CNTNAP3B: variants seen among roughly 807,000 people sequenced by gnomAD.
CNTNAP3B encodes contactin associated protein family member 3B, also known as contactin-associated protein-like 3B.
In CNTNAP3B, 25 loss-of-function variants were observed where a neutral mutation model predicts 108.9. The ratio of observed to expected loss-of-function variants is 0.23; its 90% confidence interval spans 0.17 to 0.32. CNTNAP3B has a LOEUF of 0.32. Ranked by LOEUF, CNTNAP3B falls within the 10% of genes least tolerant of loss-of-function variation. The pLI, the probability that CNTNAP3B is intolerant of heterozygous loss-of-function variation, is 1.00. For synonymous variants in CNTNAP3B, 103 were observed against 473.4 expected (o/e 0.22, Z 10.16); for missense variants, 252 against 1,210.4 (o/e 0.21, Z 11.75).
intron 14 of CNTNAP3B, among the ~76,000 whole-genome samples, chr9:41,937,025 G>A (rs569577671): frequency 4.4e-3 from 671 of 151,788 alleles, no homozygotes; most frequent in Non-Finnish European, 7.4e-3. Flanking sequence ...TCAATTTTTA[G>A]GAATCAAATT....
chr9:41,958,723 A>C (rs1824957758), intron 12 of CNTNAP3B, among the ~76,000 whole-genome samples: 1 of 151,930 alleles, frequency 6.6e-6, no homozygotes, highest in African/African-American at 2.4e-5. Flanking sequence ...AACAAAACAA[A>C]ACAAAAGAAA....
intron 18 of CNTNAP3B, among the ~76,000 whole-genome samples, chr9:41,915,788 G>T (rs1318874716): frequency 1.4e-5 from 2 of 147,008 alleles, no homozygotes; most frequent in African/African-American, 5.1e-5. Context: ...GTAATATGTT[G>T]ACTGATTTTC....
At chr9:42,054,704 A>G (rs1281710912) in intron 3 of CNTNAP3B, among the ~76,000 whole-genome samples, 7 of 151,894 alleles carry the variant, frequency 4.6e-5, no homozygotes. Flanking sequence ...AAAAAACACC[A>G]CTAAAATAAA....
rs529669179 is a variant in CNTNAP3B at position 42,115,963 on chromosome 9, A to C, written c.86-11224T>G. ...TTCGAACCCGTCGCAAAGAAGCTAA[A>C]AACCTTGAAAAAGGATTAGACGAAT... On this transcript the variant is annotated intron_variant, in intron 1 of 23. Transcript: ENST00000377561. Among the ~76,000 whole-genome samples, 3 of 135,672 alleles carry C rather than the reference A, an allele frequency of 2.2e-5. No homozygotes were observed. The East Asian group carries it at 6.7e-4, about 30-fold the overall frequency. 89.0% of individuals were successfully genotyped at this position (135,672 alleles called of 152,430 possible).
chr9:42,074,237 CCT>C (rs1198506994), intron 3 of CNTNAP3B, among the ~76,000 whole-genome samples: 2 of 79,792 alleles, frequency 2.5e-5, no homozygotes, highest in African/African-American at 1.1e-4. Flanking sequence ...AACTTGACAG[CCT>C]CTCTCTTTGC....
chr9:42,118,849 T>A (rs904576098), intron 1 of CNTNAP3B, among the ~76,000 whole-genome samples: 1 of 78,988 alleles, frequency 1.3e-5, no homozygotes, highest in Admixed American at 1.4e-4. Context: ...AGATTTTGTA[T>A]CTTGATTTGA....
Position 42,064,707 on chromosome 9 carries a change from T to C in CNTNAP3B, c.390+12162A>G, listed in dbSNP as rs1476472761. 1.5e-5 allele frequency among the ~76,000 whole-genome samples: 2 copies of C among 132,454 alleles called. 1 individual carries two copies. The highest frequency in any genetic ancestry group is 3.2e-5 in the Non-Finnish European group (2 of 63,136). 86.9% of individuals were successfully genotyped at this position (132,454 alleles called of 152,430 possible). A position where few individuals can be genotyped will look rare whatever the true frequency, so the allele number is the denominator to read the frequency against. ...ACTTACAAGTGCAAACATGCAGTAT[T>C]TGATTTTCTGTTCCTATGTTAATTC... is the stretch of plus-strand genomic sequence containing the variant. On this transcript the variant is annotated intron_variant, in intron 3 of 23. Transcript: ENST00000377561.
chr9:42,036,476 C>T (rs1226338232), intron 3 of CNTNAP3B, among the ~76,000 whole-genome samples: 1 of 138,414 alleles, frequency 7.2e-6, no homozygotes, highest in Non-Finnish European at 1.5e-5. Flanking sequence ...GATCGAACTG[C>T]AAGGCAGCAG....
chr9:42,056,096 G>A (rs1827061445), intron 3 of CNTNAP3B, among the ~76,000 whole-genome samples: 1 of 125,830 alleles, frequency 7.9e-6, no homozygotes, highest in African/African-American at 3.2e-5. Flanking sequence ...TTTAACCTGA[G>A]CATTATGCTG....
At chr9:41,977,438 C>A (rs1254923975) in intron 9 of CNTNAP3B, among the ~76,000 whole-genome samples, 2 of 139,332 alleles carry the variant, frequency 1.4e-5, no homozygotes. Context: ...TGTTTTAATA[C>A]AATTTGAGGC....
intron 3 of CNTNAP3B, among the ~76,000 whole-genome samples, chr9:42,021,825 T>C (rs1264099159): frequency 1.5e-5 from 2 of 136,772 alleles, no homozygotes; most frequent in African/African-American, 2.9e-5. Context: ...AAACCGCCTT[T>C]GCACAAATTC....
At chr9:42,119,845 A>C (rs1247466834) in intron 1 of CNTNAP3B, among the ~76,000 whole-genome samples, 1 of 140,868 alleles carries the variant, frequency 7.1e-6, no homozygotes, top group East Asian at 2.1e-4. Context: ...TAAAGACTTA[A>C]ATGTTAGACC....
intron 1 of CNTNAP3B, among the ~76,000 whole-genome samples, chr9:42,112,625 G>T (rs1488776960): frequency 7.3e-6 from 1 of 136,858 alleles, no homozygotes; most frequent in Admixed American, 7.3e-5. Context: ...AATTTACAGG[G>T]GGTAGGAGAT....
chr9:41,978,114 A>ACATCC (rs1330281371), intron 9 of CNTNAP3B, among the ~76,000 whole-genome samples: 1 of 109,318 alleles, frequency 9.1e-6, no homozygotes, highest in Non-Finnish European at 1.8e-5. Context: ...TTCTGAGTAA[A>ACATCC]CATCCCTGGG....
chr9:42,021,813 T>C (rs1355913357), intron 3 of CNTNAP3B, among the ~76,000 whole-genome samples: 2 of 135,810 alleles, frequency 1.5e-5, no homozygotes, highest in East Asian at 4.5e-4. Flanking sequence ...AGCTGAGCTC[T>C]GAAACCGCCT....
intron 13 of CNTNAP3B, among the ~76,000 whole-genome samples, chr9:41,943,865 A>G (rs577898685): frequency 6.6e-6 from 1 of 152,398 alleles, no homozygotes; most frequent in South Asian, 2.1e-4. Flanking sequence ...GGCATCTCAT[A>G]TTCAAATTGC....
chr9:42,076,762 G>C (rs1005281187), intron 3 of CNTNAP3B, 107 bp downstream of exon 3: 1 of 663,932 alleles, frequency 1.5e-6, no homozygotes, highest in Admixed American at 3.3e-5. Flanking sequence ...CAATGAAATA[G>C]GTATCTTACT....
intron 14 of CNTNAP3B, among the ~76,000 whole-genome samples, chr9:41,932,731 G>A (rs1824018419): frequency 6.6e-6 from 1 of 151,888 alleles, no homozygotes; most frequent in African/African-American, 2.4e-5. Flanking sequence ...TGTTGGTCAG[G>A]CTGGTCTCGA....
In CNTNAP3B at chr9:41,938,569, C is replaced by A. The variant is rs1328532336; in HGVS notation, c.2081-169G>T. 8.5e-5 allele frequency among the ~76,000 whole-genome samples: 13 copies of A among 152,394 alleles called. No individual in the cohort carries two copies. The East Asian group carries it at 2.5e-3, about 29-fold the overall frequency. On this transcript the variant is annotated intron_variant, in intron 13 of 23. Transcript: ENST00000377561. ...TTTACCTCTGAAACGTTTCTTTAAG[C>A]CTAACCAATGTTTTTCCCCCAATAT...
Sources: gnomAD v4.1 joint callset for allele counts (sites outside exome capture counted in the v4.1 genomes callset) on GRCh38, gnomAD v4.1.1 for gene constraint, MANE v1.5 for transcripts, NCBI Gene and HGNC (gene_info 2026-07-23, HGNC 2026-07-21) for gene names.